FBXL20: variants seen among roughly 807,000 people sequenced by gnomAD.
FBXL20 encodes the protein F-box and leucine rich repeat protein 20, also known as F-box/LRR-repeat protein 20.
Under a neutral mutation model 64.0 loss-of-function variants are expected in FBXL20, and 11 were observed. That is an observed-to-expected ratio of 0.17 (90% CI 0.11 to 0.28). The LOEUF (loss-of-function observed/expected upper bound fraction) is 0.28. Ranked by LOEUF, FBXL20 falls within the 10% of genes least tolerant of loss-of-function variation. The probability of loss-of-function intolerance (pLI) is 1.00; values close to 1 mark genes in which losing one functional copy is unlikely to be tolerated. For missense variants in FBXL20, 303 were observed against 526.2 expected, an observed-to-expected ratio of 0.58 and a Z score of 4.15; for synonymous variants, 184 against 189.0, an observed-to-expected ratio of 0.97 and a Z score of 0.22.
chr17:39,396,799 C>CA (rs1210474640), intron 1 of FBXL20, among the ~76,000 whole-genome samples: 3 of 150,044 alleles, frequency 2.0e-5, no homozygotes, highest in Non-Finnish European at 3.0e-5. Flanking sequence ...ACTAAAAATA[C>CA]AAAAAAAATT....
chr17:39,345,243 T>C (rs2047621308), intron 1 of FBXL20, among the ~76,000 whole-genome samples: 1 of 152,006 alleles, frequency 6.6e-6, no homozygotes, highest in Non-Finnish European at 1.5e-5. Flanking sequence ...TGCACTACAA[T>C]GAAGAAAACA....
chr17:39,373,361 C>A (rs2047936552), intron 1 of FBXL20, among the ~76,000 whole-genome samples: 2 of 152,302 alleles, frequency 1.3e-5, no homozygotes, highest in South Asian at 2.1e-4. Flanking sequence ...TTCTCCATTT[C>A]TTCAGGGCCA....
chr17:39,345,586 G>A (rs2047625195), intron 1 of FBXL20, among the ~76,000 whole-genome samples: 1 of 151,788 alleles, frequency 6.6e-6, no homozygotes, highest in South Asian at 2.1e-4. Flanking sequence ...TATTGCCCAA[G>A]CTGGAGTGCA....
intron 3 of FBXL20, among the ~76,000 whole-genome samples, chr17:39,301,848 C>T (rs2047139023): frequency 6.6e-6 from 1 of 152,004 alleles, no homozygotes; most frequent in Admixed American, 6.6e-5. Flanking sequence ...CATGATCTCA[C>T]CATTGTACTC....
In FBXL20 at chr17:39,297,102, T is replaced by C. The variant is rs973347476; in HGVS notation, c.398+25A>G. 15 of 1,568,504 alleles carry C rather than the reference T, an allele frequency of 9.6e-6. No individual in the cohort carries two copies. In the East Asian group the frequency reaches 3.1e-4, roughly 33 times the overall value. Reference sequence around the variant, plus strand: ...GCCAGACATAAGGGGTTATGACTTATCCTCCAAAAACATAAAATACTTACG... The same window carrying C: ...GCCAGACATAAGGGGTTATGACTTACCCTCCAAAAACATAAAATACTTACG... On this transcript the variant is annotated intron_variant, in intron 6 of 14. Coordinates refer to ENST00000264658, the MANE Select transcript of FBXL20 (RefSeq NM_032875.3).
intron 2 of FBXL20, among the ~76,000 whole-genome samples, chr17:39,338,513 A>G (rs1296277881): frequency 6.7e-6 from 1 of 148,678 alleles, no homozygotes; most frequent in Non-Finnish European, 1.5e-5. Flanking sequence ...CCTCTGCGAG[A>G]AACACCAGAA....
At chr17:39,271,364 G>A (rs1036752603) in intron 10 of FBXL20, among the ~76,000 whole-genome samples, 3 of 152,080 alleles carry the variant, frequency 2.0e-5, no homozygotes, top group Non-Finnish European at 2.9e-5. Flanking sequence ...TTGGGAGGCC[G>A]AGGTGGGCGG....
intron 2 of FBXL20, among the ~76,000 whole-genome samples, chr17:39,304,310 C>T (rs1041461035): frequency 2.6e-5 from 4 of 151,826 alleles, no homozygotes; most frequent in African/African-American, 4.8e-5. Flanking sequence ...TGTCTGAAGA[C>T]AGGGTTTCAC....
chr17:39,279,197 A>G (rs765070488), intron 9 of FBXL20, among the ~76,000 whole-genome samples: 2 of 152,244 alleles, frequency 1.3e-5, no homozygotes, highest in Non-Finnish European at 2.9e-5. Context: ...GTCAGCAACT[A>G]TAGTAATCGG....
At chr17:39,281,080 T>C (rs983609547) in intron 9 of FBXL20, among the ~76,000 whole-genome samples, 1 of 152,162 alleles carries the variant, frequency 6.6e-6, no homozygotes, top group Non-Finnish European at 1.5e-5. Flanking sequence ...CAATTTTAAA[T>C]ACTAAACTTG....
chr17:39,302,772 A>G (rs1192697565), intron 3 of FBXL20, among the ~76,000 whole-genome samples: 10 of 152,108 alleles, frequency 6.6e-5, no homozygotes, highest in Admixed American at 5.9e-4. Flanking sequence ...GGCCTCCCAA[A>G]ATGAAGGGAT....
chr17:39,381,263 C>G (rs188438102), intron 1 of FBXL20, among the ~76,000 whole-genome samples: 392 of 151,662 alleles, frequency 2.6e-3, no homozygotes, highest in African/African-American at 9.1e-3. Context: ...ACTGCTTGAG[C>G]GTAGGAGTTT....
chr17:39,319,673 C>CAAAAAAAAAAAAA (rs71300077), intron 2 of FBXL20, among the ~76,000 whole-genome samples: 13 of 47,302 alleles, frequency 2.7e-4, no homozygotes, highest in African/African-American at 9.2e-4. Context: ...GACTCCATAT[C>CAAAAAAAAAAAAA]AAAAAAAAAA....
At chr17:39,368,629 T>C (rs931632869) in intron 1 of FBXL20, among the ~76,000 whole-genome samples, 2 of 152,130 alleles carry the variant, frequency 1.3e-5, no homozygotes, top group Non-Finnish European at 2.9e-5. Context: ...CTTAGCTAAA[T>C]CACTTAACAC....
chr17:39,385,927 G>A (rs961422652), intron 1 of FBXL20, among the ~76,000 whole-genome samples: 19 of 151,738 alleles, frequency 1.3e-4, no homozygotes, highest in Admixed American at 1.1e-3. Context: ...CTACTCAGGA[G>A]GCTGAGGCAG....
intron 1 of FBXL20, among the ~76,000 whole-genome samples, chr17:39,369,606 C>T (rs1443322382): frequency 1.3e-5 from 2 of 152,070 alleles, no homozygotes; most frequent in South Asian, 2.1e-4. Flanking sequence ...CCGGCTTGGC[C>T]TCCCAAAGTG....
At chr17:39,320,949 T>C (rs1353635498) in intron 2 of FBXL20, among the ~76,000 whole-genome samples, 3 of 152,112 alleles carry the variant, frequency 2.0e-5, no homozygotes, top group African/African-American at 7.2e-5. Flanking sequence ...AGACAATATA[T>C]AGTTTTAATA....
intron 1 of FBXL20, among the ~76,000 whole-genome samples, chr17:39,352,480 G>A (rs2047696658): frequency 6.6e-6 from 1 of 151,930 alleles, no homozygotes; most frequent in South Asian, 2.1e-4. Flanking sequence ...CTCAGGAGTT[G>A]ACCAGACTGG....
chr17:39,350,349 C>T (rs2047675919), intron 1 of FBXL20, among the ~76,000 whole-genome samples: 1 of 151,948 alleles, frequency 6.6e-6, no homozygotes, highest in Admixed American at 6.6e-5. Flanking sequence ...ATTAGCCAGG[C>T]ATGGTGTTGC....
Sources: gnomAD v4.1 joint callset for allele counts (sites outside exome capture counted in the v4.1 genomes callset) on GRCh38, gnomAD v4.1.1 for gene constraint, MANE v1.5 for transcripts, NCBI Gene and HGNC (gene_info 2026-07-23, HGNC 2026-07-21) for gene names.